UNC13C: variants seen among roughly 807,000 people sequenced by gnomAD.
UNC13C encodes the protein protein unc-13 homolog C.
In UNC13C, 174 loss-of-function variants were observed where a neutral mutation model predicts 245.4. The ratio of observed to expected loss-of-function variants is 0.71; its 90% CI spans 0.63 to 0.80. UNC13C has a LOEUF of 0.80. UNC13C is among the 30% of genes least tolerant of loss of function. UNC13C has a pLI of 0.00. For synonymous variants in UNC13C, 992 were observed against 895.1 expected (o/e 1.11, Z -1.93); for missense variants, 2,829 against 2,602.9 (o/e 1.09, Z -1.89).
At chr15:54,235,134 T>C (rs2035657845) in intron 5 of UNC13C, 26 bp downstream of exon 5, 2 of 1,601,898 alleles carry the variant, frequency 1.2e-6, no homozygotes, top group Non-Finnish European at 1.7e-6. Context: ...TTAATTCTCT[T>C]CGATTGCATG....
At chr15:54,269,056 T>C (rs1193737317) in intron 10 of UNC13C, among the ~76,000 whole-genome samples, 2 of 150,608 alleles carry the variant, frequency 1.3e-5, no homozygotes, top group African/African-American at 2.5e-5. Context: ...AATTTTTTAT[T>C]TTATTTTATT....
rs1901239039 is a variant in UNC13C, at chr15:54,627,289, A to C, written c.*176A>C. 1.7e-6 allele frequency: 1 copy of C among 603,674 alleles called. No homozygotes were observed. Among genetic ancestry groups the C allele is most frequent in the Middle Eastern group, 4.7e-4 (1 of 2,106 alleles). The allele number at this position is 603,674 out of a possible 1,614,324, so 37.4% of individuals were successfully genotyped here. ...TTATACCAATTCTGGTCTTTGGGAA[A>C]TCAGTGTTCCATGAAGTGCCAAAAT... is the stretch of plus-strand genomic sequence containing the variant. On this transcript the variant is annotated 3_prime_UTR_variant, in exon 33 of 33. Transcript: ENST00000260323.
At chr15:53,878,655 T>A in the UNC13C span, among the ~76,000 whole-genome samples, 1 of 152,100 alleles carries the variant, frequency 6.6e-6, no homozygotes, top group Non-Finnish European at 1.5e-5. Flanking sequence ...ACAATAATTT[T>A]AAGAAATATT....
chr15:54,214,829 A>G (rs1214534096), intron 4 of UNC13C, among the ~76,000 whole-genome samples: 1 of 151,978 alleles, frequency 6.6e-6, no homozygotes, highest in Non-Finnish European at 1.5e-5. Flanking sequence ...AGGAACATTA[A>G]TGCACACGAT....
At chr15:54,428,258 G>C (rs567297275) in intron 19 of UNC13C, among the ~76,000 whole-genome samples, 2 of 151,786 alleles carry the variant, frequency 1.3e-5, no homozygotes, top group African/African-American at 2.4e-5. Flanking sequence ...GTCACACACA[G>C]AATGAAATCC....
chr15:54,239,470 A>G (rs2035794075), intron 7 of UNC13C, among the ~76,000 whole-genome samples: 1 of 152,128 alleles, frequency 6.6e-6, no homozygotes, highest in African/African-American at 2.4e-5. Flanking sequence ...TATTTTTTGC[A>G]GACAGAGTCT....
At chr15:53,895,378 ATTT>A in the UNC13C span, among the ~76,000 whole-genome samples, 1 of 150,276 alleles carries the variant, frequency 6.7e-6, no homozygotes, top group African/African-American at 2.4e-5. Flanking sequence ...AAAGAAAGAA[ATTT>A]TGTGTCATGT....
intron 19 of UNC13C, among the ~76,000 whole-genome samples, chr15:54,452,855 C>T (rs1185235502): frequency 1.9e-4 from 29 of 152,148 alleles, no homozygotes; most frequent in African/African-American, 7.0e-4. Context: ...TGAAAACGCA[C>T]AGCAGCCCTT....
At chr15:54,047,384 A>G (rs1897083754) in intron 2 of UNC13C, among the ~76,000 whole-genome samples, 1 of 152,002 alleles carries the variant, frequency 6.6e-6, no homozygotes, top group South Asian at 2.1e-4. Context: ...AGCAGAAGCT[A>G]TGTACCCGTT....
chr15:54,456,590 T>TTTTTTTTA (rs1555467665), intron 19 of UNC13C, among the ~76,000 whole-genome samples: 7 of 142,792 alleles, frequency 4.9e-5, no homozygotes, highest in Admixed American at 1.4e-4. Context: ...CTCCTATGTA[T>TTTTTTTTA]TTTATTTATT....
intron 2 of UNC13C, among the ~76,000 whole-genome samples, chr15:54,122,537 T>G (rs1176978585): frequency 6.6e-6 from 1 of 152,032 alleles, no homozygotes; most frequent in Non-Finnish European, 1.5e-5. Flanking sequence ...GTTTGATACA[T>G]TTTTGGCTAC....
chr15:54,031,600 G>A (rs1314853868), intron 2 of UNC13C, among the ~76,000 whole-genome samples: 1 of 152,164 alleles, frequency 6.6e-6, no homozygotes, highest in Non-Finnish European at 1.5e-5. Context: ...CTGATAGAGG[G>A]ACATAGAACC....
At chr15:54,080,342 T>C (rs1468201457) in intron 2 of UNC13C, among the ~76,000 whole-genome samples, 1 of 151,962 alleles carries the variant, frequency 6.6e-6, no homozygotes, top group Non-Finnish European at 1.5e-5. Flanking sequence ...CACAGAATGA[T>C]TTAAGGAGGA....
chr15:54,130,812 T>C (rs1293512082), intron 2 of UNC13C, among the ~76,000 whole-genome samples: 1 of 152,224 alleles, frequency 6.6e-6, no homozygotes, highest in South Asian at 2.1e-4. Context: ...TGAGTGTTTT[T>C]AATAATATTC....
intron 4 of UNC13C, among the ~76,000 whole-genome samples, chr15:54,213,568 C>T (rs1196932230): frequency 6.6e-6 from 1 of 151,974 alleles, no homozygotes; most frequent in African/African-American, 2.4e-5. Context: ...TTTGCACAAT[C>T]CTGGGAAATT....
chr15:54,194,150 C>T (rs896806249), intron 4 of UNC13C, among the ~76,000 whole-genome samples: 1 of 152,126 alleles, frequency 6.6e-6, no homozygotes, highest in African/African-American at 2.4e-5. Flanking sequence ...ACTCTGGCTG[C>T]TCCGTGTAGA....
the UNC13C span, among the ~76,000 whole-genome samples, chr15:53,884,785 A>G: frequency 1.3e-5 from 2 of 151,976 alleles, no homozygotes; most frequent in African/African-American, 2.4e-5. Flanking sequence ...CTGACAACCT[A>G]AAGAAGGACT....
At chr15:54,605,095 C>G (rs77069655) in intron 30 of UNC13C, among the ~76,000 whole-genome samples, 6,225 of 152,134 alleles carry the variant, frequency 0.041, 223 homozygotes, top group Admixed American at 0.12. Context: ...CTGCCTGAGA[C>G]GAGAAACAAG....
intron 2 of UNC13C, among the ~76,000 whole-genome samples, chr15:54,116,563 A>T (rs923228548): frequency 1.4e-4 from 22 of 152,200 alleles, no homozygotes; most frequent in South Asian, 6.2e-4. Flanking sequence ...TTCAGTAATC[A>T]TAATAACTTC....
Sources: allele counts gnomAD v4.1 joint callset (sites outside exome capture counted in the v4.1 genomes callset), GRCh38; gene constraint gnomAD v4.1.1; transcripts MANE v1.5; gene names NCBI Gene and HGNC (gene_info 2026-07-23, HGNC 2026-07-21).